The following CYP3A43 variants were observed in gnomAD, a reference collection of about 807,000 sequenced individuals.
The protein encoded by CYP3A43 is cytochrome P450 3A43.
CYP3A43 carries 45 observed loss-of-function variants against 58.0 expected under a neutral mutation model. The ratio of observed to expected loss-of-function variants is 0.78; its 90% CI spans 0.61 to 0.99. The LOEUF is 0.99. CYP3A43 is among the 50% of genes least tolerant of loss of function. CYP3A43 has a pLI of 0.00. For synonymous variants in CYP3A43, 191 were observed against 201.4 expected, an observed-to-expected ratio of 0.95 and a Z score of 0.44; for missense variants, 593 against 591.9, an observed-to-expected ratio of 1.00 and a Z score of -0.02.
rs190127095 is a variant in CYP3A43, at chr7:99,850,055, C to T, written c.670+361C>T. ...CACTGAAACCTCCACCTCCTGGGTTCGAGTGATTCTCCTGCCTCAGCCTCC... is the reference window on the plus strand; with the variant it reads ...CACTGAAACCTCCACCTCCTGGGTTTGAGTGATTCTCCTGCCTCAGCCTCC... On this transcript the variant is annotated intron_variant, in intron 7 of 12. Transcript: ENST00000354829. 1.6e-3 allele frequency: 704 copies of T among 442,064 alleles called. 2 individuals carry two copies. Among genetic ancestry groups the T allele is most frequent in the Non-Finnish European group, 2.5e-3 (548 of 223,620 alleles). 27.4% of individuals were successfully genotyped at this position (442,064 alleles called of 1,614,324 possible). A position where few individuals can be genotyped will look rare whatever the true frequency, so the allele number is the denominator to read the frequency against.
At chr7:99,837,663 C>A (rs1168567251) in intron 2 of CYP3A43, among the ~76,000 whole-genome samples, 1 of 152,114 alleles carries the variant, frequency 6.6e-6, no homozygotes, top group East Asian at 1.9e-4. Context: ...AAAAGAAAGG[C>A]AAAATTACTT....
chr7:99,831,990 C>G (rs1359919344), intron 1 of CYP3A43, among the ~76,000 whole-genome samples: 1 of 152,126 alleles, frequency 6.6e-6, no homozygotes, highest in East Asian at 1.9e-4. Context: ...AAGGTGCTCA[C>G]ATTTCTATGA....
rs533130973 is a variant in CYP3A43 at position 99,838,966 on chromosome 7, A to C, written c.166-154A>C. ...TTGCACTCCAGCCTGGGCAGCAGAAAAAAAGGAAAAAAAAAAGATTCCCTC... is the reference window on the plus strand; with the variant it reads ...TTGCACTCCAGCCTGGGCAGCAGAACAAAAGGAAAAAAAAAAGATTCCCTC... On this transcript the variant is annotated intron_variant, in intron 2 of 12. Transcript: ENST00000354829. Among the ~76,000 whole-genome samples, 6 of 152,304 alleles carry C rather than the reference A, an allele frequency of 3.9e-5. No individual in the cohort carries two copies. The East Asian group carries it at 1.2e-3, about 29-fold the overall frequency.
At chr7:99,842,296 G>A (rs1244685477) in intron 3 of CYP3A43, among the ~76,000 whole-genome samples, 2 of 151,930 alleles carry the variant, frequency 1.3e-5, no homozygotes, top group Admixed American at 6.6e-5. Flanking sequence ...AATAAAAATG[G>A]CATCTTTTTA....
intron 10 of CYP3A43, 107 bp downstream of exon 10, chr7:99,860,097 C>A (rs1818170299): frequency 1.5e-6 from 2 of 1,348,704 alleles, no homozygotes; most frequent in South Asian, 2.8e-5. Flanking sequence ...AGCATCAGTT[C>A]TTTCATTTAC....
chr7:99,846,524 C>T (rs1015961305), intron 4 of CYP3A43, among the ~76,000 whole-genome samples: 1 of 152,084 alleles, frequency 6.6e-6, no homozygotes, highest in Non-Finnish European at 1.5e-5. Flanking sequence ...TTATGTCACC[C>T]GAAAATAGAG....
chr7:99,848,154 G>T lies in CYP3A43; in HGVS notation c.433-12G>T, dbSNP rs1387052681. ...GTCTGCGTAGTTAACTATGGGTGGT[G>T]TTGTGTTTTAGATGGTCCCCATCAT... is the stretch of plus-strand genomic sequence containing the variant. On this transcript the variant is annotated splice_polypyrimidine_tract_variant and intron_variant, in intron 5 of 12. Transcript: ENST00000354829. The T allele has an allele frequency of 1.2e-6, 2 of 1,613,952 alleles. No homozygotes were observed. Among genetic ancestry groups the T allele is most frequent in the East Asian group, 2.2e-5 (1 of 44,884 alleles).
intron 3 of CYP3A43, among the ~76,000 whole-genome samples, chr7:99,840,154 G>A (rs1460350157): frequency 6.6e-6 from 1 of 152,124 alleles, no homozygotes; most frequent in Non-Finnish European, 1.5e-5. Context: ...TGATTTGGGG[G>A]GCTGCTTTTT....
At chr7:99,840,127 C>G (rs1195170612) in intron 3 of CYP3A43, among the ~76,000 whole-genome samples, 1 of 152,128 alleles carries the variant, frequency 6.6e-6, no homozygotes, top group Non-Finnish European at 1.5e-5. Context: ...TCAGGCTGCT[C>G]TTTGTTAGAA....
chr7:99,857,712 G>A (rs12535362), intron 9 of CYP3A43, among the ~76,000 whole-genome samples: 9,688 of 151,942 alleles, frequency 0.064, 973 homozygotes, highest in African/African-American at 0.21. Flanking sequence ...GTGTGGTGGC[G>A]CACACCTGTA....
In CYP3A43 at chr7:99,847,950, G is replaced by A. The variant is rs187979251; in HGVS notation, c.433-216G>A. On this transcript the variant is annotated intron_variant, in intron 5 of 12. Coordinates refer to ENST00000354829, the MANE Select transcript of CYP3A43 (RefSeq NM_057095.3). Reference sequence around the variant, plus strand: ...TTGTTTGAATCTAGAGGCGGAGGTTGCAATGAGCCAAGATTGCGCCGTTGC... The same window carrying A: ...TTGTTTGAATCTAGAGGCGGAGGTTACAATGAGCCAAGATTGCGCCGTTGC... 174 of 574,960 alleles carry A rather than the reference G, an allele frequency of 3.0e-4. 2 individuals carry two copies. In the Admixed American group the frequency reaches 5.1e-3, roughly 17 times the overall value. 35.6% of individuals were successfully genotyped at this position (574,960 alleles called of 1,614,324 possible).
intron 3 of CYP3A43, among the ~76,000 whole-genome samples, chr7:99,843,183 C>A (rs1817407473): frequency 6.6e-6 from 1 of 152,122 alleles, no homozygotes; most frequent in South Asian, 2.1e-4. Context: ...CTCAGAGCCT[C>A]ACAAGAATGT....
At chr7:99,832,362 C>A (rs902520145) in intron 1 of CYP3A43, among the ~76,000 whole-genome samples, 2 of 151,690 alleles carry the variant, frequency 1.3e-5, no homozygotes, top group African/African-American at 4.8e-5. Context: ...GGAATTGGAT[C>A]ATAGGGGTGT....
rs759645964 is a variant in CYP3A43, at chr7:99,855,666, T to A, written c.746T>A (p.Leu249Ter). The change falls in exon 8 of 13, where the codon TTA becomes TAA. Residue 249 changes from leucine (L) to a stop codon, truncating the protein, a stop_gained. Coordinates refer to ENST00000354829, the MANE Select transcript of CYP3A43 (RefSeq NM_057095.3). LOFTEE classifies it high-confidence loss of function. ...GLFPKDVTHF[L>*]KNSIERMKES... ...TTTCCAAAAGATGTTACCCATTTTT[T>A]AAAAAATTCCATTGAAAGGATGAAA... 37 of 1,613,168 alleles carry A rather than the reference T, an allele frequency of 2.3e-5. No homozygotes were observed. The South Asian group carries it at 3.3e-4, about 14-fold the overall frequency.
At chr7:99,841,432 T>A (rs1249715778) in intron 3 of CYP3A43, among the ~76,000 whole-genome samples, 1 of 152,136 alleles carries the variant, frequency 6.6e-6, no homozygotes, top group Non-Finnish European at 1.5e-5. Flanking sequence ...AGTCTTGCTC[T>A]TGTCACCCAG....
In CYP3A43 at chr7:99,856,997, T is replaced by C. The variant is rs17161968; in HGVS notation, c.865+98T>C. On this transcript the variant is annotated intron_variant, in intron 9 of 12. Transcript: ENST00000354829. Reference sequence around the variant, plus strand: ...GAAAGTTTTCCAGGAAAATGAGAATTTCTTCCACATTGCAGAAAGGCACAC... The same window carrying C: ...GAAAGTTTTCCAGGAAAATGAGAATCTCTTCCACATTGCAGAAAGGCACAC... The C allele has an allele frequency of 0.014, 19,240 of 1,373,034 alleles. 1,595 individuals carry two copies. The African/African-American group carries it at 0.21, about 15-fold the overall frequency. 85.1% of individuals were successfully genotyped at this position (1,373,034 alleles called of 1,614,324 possible).
intron 1 of CYP3A43, among the ~76,000 whole-genome samples, chr7:99,830,533 G>T (rs1816802716): frequency 6.6e-6 from 1 of 151,696 alleles, no homozygotes; most frequent in Non-Finnish European, 1.5e-5. Context: ...AAAAAAAAAA[G>T]AAAAAAATAA....
intron 1 of CYP3A43, 92 bp from the exon 2 acceptor site, chr7:99,836,361 T>C (rs556486787): frequency 6.1e-6 from 6 of 975,968 alleles, no homozygotes; most frequent in Admixed American, 2.0e-5. Context: ...CCTCCCTCCC[T>C]TGAACATTCC....
chr7:99,842,958 A>T (rs982945657), intron 3 of CYP3A43, among the ~76,000 whole-genome samples: 3 of 152,170 alleles, frequency 2.0e-5, no homozygotes, highest in African/African-American at 7.2e-5. Flanking sequence ...TTTCCAGTTT[A>T]CCTTGGCAGG....
Sources: allele counts gnomAD v4.1 joint callset (sites outside exome capture counted in the v4.1 genomes callset), GRCh38; gene constraint gnomAD v4.1.1; transcripts MANE v1.5; gene names NCBI Gene and HGNC (gene_info 2026-07-23, HGNC 2026-07-21).